PLD5: variants seen among roughly 807,000 people sequenced by gnomAD.
PLD5 encodes the protein inactive phospholipase D5.
A neutral mutation model predicts 61.1 loss-of-function variants in PLD5; 36 were observed. That is an observed-to-expected ratio of 0.59 (90% confidence interval 0.45 to 0.78). PLD5 has a LOEUF of 0.78. Ranked by LOEUF, PLD5 falls within the 30% of genes least tolerant of loss-of-function variation. The probability of loss-of-function intolerance (pLI) is 0.00; values close to 1 mark genes in which losing one functional copy is unlikely to be tolerated. For missense variants in PLD5, 515 were observed against 644.4 expected (o/e 0.80, Z 2.17); for synonymous variants, 243 against 242.8 (o/e 1.00, Z -0.01).
chr1:242,162,913 G>A (rs1391604147), intron 5 of PLD5, among the ~76,000 whole-genome samples: 2 of 152,002 alleles, frequency 1.3e-5, no homozygotes, highest in South Asian at 2.1e-4. Context: ...CCAAGATGGC[G>A]AATGTAAAAA....
chr1:242,385,791 A>T (rs771895679), intron 1 of PLD5, among the ~76,000 whole-genome samples: 27 of 152,234 alleles, frequency 1.8e-4, no homozygotes, highest in Non-Finnish European at 3.8e-4. Flanking sequence ...TCAGAAAATG[A>T]TGGTCAACGA....
intron 1 of PLD5, among the ~76,000 whole-genome samples, chr1:242,492,586 C>G (rs1668200234): frequency 6.6e-6 from 1 of 151,224 alleles, no homozygotes; most frequent in Non-Finnish European, 1.5e-5. Flanking sequence ...GTATTGCAAA[C>G]TATAACAATG....
intron 5 of PLD5, among the ~76,000 whole-genome samples, chr1:242,135,301 T>C (rs904211809): frequency 1.3e-5 from 2 of 152,164 alleles, no homozygotes; most frequent in Admixed American, 6.5e-5. Flanking sequence ...GCAGCAATAT[T>C]ATAACTGACC....
chr1:242,426,577 A>G (rs912213156), intron 1 of PLD5, among the ~76,000 whole-genome samples: 1 of 152,222 alleles, frequency 6.6e-6, no homozygotes, highest in Non-Finnish European at 1.5e-5. Flanking sequence ...TTTTCAGCCC[A>G]CTACGATCTT....
intron 1 of PLD5, among the ~76,000 whole-genome samples, chr1:242,360,468 AG>A (rs199558759): frequency 0.021 from 3,229 of 152,294 alleles, 48 homozygotes; most frequent in East Asian, 0.033. Flanking sequence ...TTCTATAATC[AG>A]AAAATGTTTG....
chr1:242,290,744 A>C (rs1675310981), intron 2 of PLD5, among the ~76,000 whole-genome samples: 1 of 151,534 alleles, frequency 6.6e-6, no homozygotes, highest in African/African-American at 2.4e-5. Flanking sequence ...TATGAGGGGC[A>C]GGTAAAGCAG....
At chr1:242,246,578 G>A (rs1480543089) in intron 4 of PLD5, among the ~76,000 whole-genome samples, 1 of 151,120 alleles carries the variant, frequency 6.6e-6, no homozygotes, top group Non-Finnish European at 1.5e-5. Flanking sequence ...CTTTACAGAT[G>A]TTTTCACATG....
Position 242,343,780 on chromosome 1 carries a change from CAA to C in PLD5, c.326+4324_326+4325del, listed in dbSNP as rs68193025. On this transcript the variant is annotated intron_variant, in intron 2 of 9. Transcript: ENST00000536534. ...CCAGATCGAGGCAAAAAAAAAAATTCAAAAAAAAAAAAATTCAAGTGAGACTT... is the reference window on the plus strand; with the variant it reads ...CCAGATCGAGGCAAAAAAAAAAATTCAAAAAAAAAAATTCAAGTGAGACTT... Among the ~76,000 whole-genome samples the C allele has an allele frequency of 3.6e-3, 521 of 143,168 alleles. 6 individuals are homozygous for C. The highest frequency in any genetic ancestry group is 0.013 in the African/African-American group (485 of 38,210). 93.9% of individuals were successfully genotyped at this position (143,168 alleles called of 152,430 possible).
At chr1:242,245,288 T>G (rs956950875) in intron 4 of PLD5, among the ~76,000 whole-genome samples, 2 of 152,194 alleles carry the variant, frequency 1.3e-5, no homozygotes, top group Admixed American at 6.5e-5. Context: ...AACTGAAGCA[T>G]GAACAATCTT....
intron 5 of PLD5, among the ~76,000 whole-genome samples, chr1:242,144,178 ATTTTT>A (rs201274124): frequency 2.5e-5 from 3 of 121,198 alleles, no homozygotes; most frequent in Admixed American, 1.5e-4. Context: ...CTCAAATTTT[ATTTTT>A]TTAAAAAATA....
At position 242,207,930 on chromosome 1, in the gene PLD5, A is replaced by ATT. The variant is rs1558344631; in HGVS notation, c.735+12056_735+12057dup. Among the ~76,000 whole-genome samples, 18 of 23,542 alleles carry ATT rather than the reference A, an allele frequency of 7.6e-4. 1 individual carries two copies. The highest frequency in any genetic ancestry group is 3.6e-4 in the African/African-American group (1 of 2,790). 15.4% of individuals were successfully genotyped at this position (23,542 alleles called of 152,430 possible). On this transcript the variant is annotated intron_variant, in intron 5 of 9. Transcript: ENST00000536534. ...TATATATATTTATATATTTATATAT[A>ATT]TTTATATATTTATATATATTTATTT...
At chr1:242,440,193 TTA>T (rs1666206502) in intron 1 of PLD5, among the ~76,000 whole-genome samples, 2 of 152,188 alleles carry the variant, frequency 1.3e-5, no homozygotes, top group Admixed American at 1.3e-4. Flanking sequence ...AAAAGGAATT[TTA>T]GTTTTTTTCA....
chr1:242,448,983 A>G (rs188492055), intron 1 of PLD5, among the ~76,000 whole-genome samples: 2 of 152,352 alleles, frequency 1.3e-5, no homozygotes, highest in Non-Finnish European at 2.9e-5. Context: ...TCGAGAAAAC[A>G]GACAACTATT....
chr1:242,518,156 C>T (rs1351731684), intron 1 of PLD5, among the ~76,000 whole-genome samples: 2 of 152,222 alleles, frequency 1.3e-5, no homozygotes, highest in Non-Finnish European at 2.9e-5. Context: ...GCAGATAAGG[C>T]TACCTGGGAA....
At chr1:242,145,371 T>A (rs758024506) in intron 5 of PLD5, among the ~76,000 whole-genome samples, 1 of 152,170 alleles carries the variant, frequency 6.6e-6, no homozygotes, top group African/African-American at 2.4e-5. Flanking sequence ...ATGTCCCTCA[T>A]TGAGGACAAT....
intron 1 of PLD5, among the ~76,000 whole-genome samples, chr1:242,510,860 T>C (rs1296016553): frequency 6.6e-6 from 1 of 151,948 alleles, no homozygotes; most frequent in Non-Finnish European, 1.5e-5. Context: ...AAAAAAAAGT[T>C]CAAATGAAGA....
intron 1 of PLD5, among the ~76,000 whole-genome samples, chr1:242,410,789 G>T (rs1664505533): frequency 6.6e-6 from 1 of 151,958 alleles, no homozygotes; most frequent in South Asian, 2.1e-4. Context: ...TCAACCTCAG[G>T]CATAAATGGG....
chr1:242,392,686 C>T (rs1418455994), intron 1 of PLD5, among the ~76,000 whole-genome samples: 3 of 152,152 alleles, frequency 2.0e-5, no homozygotes, highest in Non-Finnish European at 4.4e-5. Context: ...ACTTCAATGG[C>T]TCTCCTGACC....
intron 6 of PLD5, among the ~76,000 whole-genome samples, chr1:242,118,674 G>A (rs2800757): frequency 6.6e-6 from 1 of 152,072 alleles, no homozygotes. Flanking sequence ...TATAAGCACT[G>A]ACCTGCCTTA....
Sources: gnomAD v4.1 joint callset for allele counts (sites outside exome capture counted in the v4.1 genomes callset) on GRCh38, gnomAD v4.1.1 for gene constraint, MANE v1.5 for transcripts, NCBI Gene and HGNC (gene_info 2026-07-23, HGNC 2026-07-21) for gene names.